Variants in GLDC observed in about 807,000 individuals in gnomAD.
GLDC encodes the protein glycine decarboxylase.
Under a neutral mutation model 121.3 loss-of-function variants are expected in GLDC, and 104 were observed. The ratio of observed to expected loss-of-function variants is 0.86; its 90% CI spans 0.73 to 1.01. The LOEUF is 1.01. Ranked by LOEUF, GLDC falls within the 50% of genes least tolerant of loss-of-function variation. The pLI is 0.00. For missense variants in GLDC, 1,429 were observed against 1,306.6 expected, an observed-to-expected ratio of 1.09 and a Z score of -1.44; for synonymous variants, 546 against 480.6, an observed-to-expected ratio of 1.14 and a Z score of -1.78.
At chr9:6,627,849 T>C (rs192267413) in intron 2 of GLDC, among the ~76,000 whole-genome samples, 19 of 152,308 alleles carry the variant, frequency 1.2e-4, no homozygotes, top group Middle Eastern at 3.4e-3. Context: ...GTGTCTGAAT[T>C]GTTTCAAATG....
At chr9:6,593,217 C>A (rs143702057) in intron 9 of GLDC, 9 of 474,726 alleles carry the variant, frequency 1.9e-5, no homozygotes, top group East Asian at 7.9e-5. Context: ...TGCATTACTG[C>A]GTGTATTTTG....
At position 6,606,929 on chromosome 9, in the gene GLDC, G is replaced by A. The variant is rs138439195; in HGVS notation, c.636-260C>T. Among the ~76,000 whole-genome samples the A allele has an allele frequency of 3.3e-3, 496 of 152,046 alleles. 2 individuals carry two copies. Among genetic ancestry groups the A allele is most frequent in the African/African-American group, 0.011 (450 of 41,468 alleles). On this transcript the variant is annotated intron_variant, in intron 4 of 24. Transcript: ENST00000321612. ...CTCTACTAAAAATACAAAATTAGCC[G>A]GTGCATGCCTGTAATCCCGGCTACT...
At chr9:6,638,199 T>TTTTG (rs759455136) in intron 2 of GLDC, among the ~76,000 whole-genome samples, 4 of 151,870 alleles carry the variant, frequency 2.6e-5, no homozygotes, top group African/African-American at 7.2e-5. Context: ...TTGCTTGAGT[T>TTTTG]TTTGTTTGTT....
chr9:6,600,870 T>A (rs1818595424), intron 8 of GLDC, among the ~76,000 whole-genome samples: 1 of 152,020 alleles, frequency 6.6e-6, no homozygotes, highest in African/African-American at 2.4e-5. Flanking sequence ...TTTTATCCCA[T>A]CCTTTTAAAG....
At chr9:6,574,482 GA>G (rs1297728176) in intron 15 of GLDC, among the ~76,000 whole-genome samples, 1 of 149,476 alleles carries the variant, frequency 6.7e-6, no homozygotes, top group Non-Finnish European at 1.5e-5. Flanking sequence ...AAAAAACAAA[GA>G]AAAGAAAAAA....
rs762989914 is a variant in GLDC at position 6,610,289 on chromosome 9, G to A, written c.538C>T (p.Gln180Ter). The A allele has an allele frequency of 6.2e-6, 10 of 1,613,714 alleles. No individual in the cohort carries two copies. Among genetic ancestry groups the A allele is most frequent in the Admixed American group, 3.3e-5 (2 of 59,994 alleles). The change falls in exon 4 of 25, where the codon CAG becomes TAG. Residue 180 changes from glutamine (Q) to a stop codon, truncating the protein, a stop_gained. Transcript: ENST00000321612. LOFTEE classifies it high-confidence loss of function. Reference protein sequence around the residue: ...QGRLESLLNYQTMVCDITGLD... With the variant: ...QGRLESLLNY ...CCTGTGATGTCACACACCATGGTCT[G>A]GTAGTTGAGTAAACTCTCCAGCCTC...
intron 4 of GLDC, among the ~76,000 whole-genome samples, chr9:6,608,538 A>G (rs376358719): frequency 6.7e-6 from 1 of 149,758 alleles, no homozygotes; most frequent in East Asian, 2.0e-4. Flanking sequence ...CAGGAGATCG[A>G]GACCCTCCTG....
At chr9:6,618,481 AT>A (rs1424296916) in intron 3 of GLDC, among the ~76,000 whole-genome samples, 3 of 151,926 alleles carry the variant, frequency 2.0e-5, no homozygotes, top group Non-Finnish European at 4.4e-5. Context: ...CTAATTTTGT[AT>A]TTTTAGTAGA....
intron 2 of GLDC, among the ~76,000 whole-genome samples, chr9:6,624,093 T>C (rs1819181260): frequency 6.6e-6 from 1 of 152,160 alleles, no homozygotes; most frequent in South Asian, 2.1e-4. Context: ...GTAAGATAAT[T>C]CTACTGATGG....
intron 8 of GLDC, among the ~76,000 whole-genome samples, chr9:6,595,882 T>A (rs957038114): frequency 6.6e-6 from 1 of 152,218 alleles, no homozygotes; most frequent in African/African-American, 2.4e-5. Context: ...GTACATCTTT[T>A]TTTCTGCTAG....
chr9:6,622,024 A>C (rs1037225321), intron 2 of GLDC, among the ~76,000 whole-genome samples: 24 of 152,156 alleles, frequency 1.6e-4, no homozygotes, highest in African/African-American at 5.8e-4. Context: ...ACGTAGGTAA[A>C]GCAAAACCTA....
chr9:6,641,802 A>G (rs1755606), intron 2 of GLDC, among the ~76,000 whole-genome samples: 92,310 of 152,052 alleles, frequency 0.61, 30,064 homozygotes, highest in African/African-American at 0.84. Context: ...TCTGCAATGA[A>G]GACATTTAAC....
intron 15 of GLDC, among the ~76,000 whole-genome samples, chr9:6,566,191 C>T (rs903287125): frequency 1.3e-5 from 2 of 152,144 alleles, no homozygotes; most frequent in Admixed American, 6.5e-5. Flanking sequence ...TGCAGTAAGC[C>T]GAGATGGTGC....
At chr9:6,597,785 A>T (rs995098565) in intron 8 of GLDC, among the ~76,000 whole-genome samples, 2 of 151,984 alleles carry the variant, frequency 1.3e-5, no homozygotes, top group Non-Finnish European at 2.9e-5. Context: ...AAATACAATA[A>T]ATTAGCCAGG....
chr9:6,599,853 C>T (rs1172835549), intron 8 of GLDC, among the ~76,000 whole-genome samples: 1 of 152,140 alleles, frequency 6.6e-6, no homozygotes, highest in African/African-American at 2.4e-5. Flanking sequence ...AAAGAGGTGG[C>T]ACCTTCCTGA....
At chr9:6,533,602 TAATCCCAGAACTTTGGG>T (rs1157841795) in intron 24 of GLDC, among the ~76,000 whole-genome samples, 1 of 152,190 alleles carries the variant, frequency 6.6e-6, no homozygotes, top group Non-Finnish European at 1.5e-5. Flanking sequence ...CTCGTGCCTT[TAATCCCAGAACTTTGGG>T]AGGCCAAGGC....
At chr9:6,578,749 T>A (rs914408440) in intron 15 of GLDC, among the ~76,000 whole-genome samples, 6 of 152,090 alleles carry the variant, frequency 3.9e-5, no homozygotes, top group Admixed American at 2.6e-4. Context: ...CCCAGGCTAG[T>A]CTTGAACTCC....
Position 6,601,867 on chromosome 9 carries a change from G to A in GLDC, c.1155+242C>T, listed in dbSNP as rs184007243. 1.8e-3 allele frequency among the ~76,000 whole-genome samples: 280 copies of A among 152,268 alleles called. 1 individual carries two copies. The highest frequency in any genetic ancestry group is 6.3e-3 in the African/African-American group (263 of 41,554). ...GCAGGTTTCCAACTCCTGGGCTCCA[G>A]CAATCTGCCTGCCTTGGCCTCACAA... On this transcript the variant is annotated intron_variant, in intron 8 of 24. Transcript: ENST00000321612.
chr9:6,535,774 A>T (rs1817114363), intron 23 of GLDC, among the ~76,000 whole-genome samples: 1 of 152,186 alleles, frequency 6.6e-6, no homozygotes, highest in African/African-American at 2.4e-5. Context: ...TGTAAATTTT[A>T]TTTATGCCAT....
Sources: allele counts gnomAD v4.1 joint callset (sites outside exome capture counted in the v4.1 genomes callset), GRCh38; gene constraint gnomAD v4.1.1; transcripts MANE v1.5; gene names NCBI Gene and HGNC (gene_info 2026-07-23, HGNC 2026-07-21).